PKIG: variants seen among roughly 807,000 people sequenced by gnomAD.
PKIG encodes the protein cAMP-dependent protein kinase inhibitor gamma, also known as protein kinase (cAMP-dependent, catalytic) inhibitor gamma.
Under a neutral mutation model 6.8 loss-of-function variants are expected in PKIG, and 1 was observed. The observed-to-expected ratio is 0.15, with a 90% CI of 0.05 to 0.69. PKIG has a LOEUF of 0.69. Among genes scored for constraint, PKIG ranks in the 30% least tolerant of loss-of-function variants. The probability of loss-of-function intolerance (pLI) is 0.82; values close to 1 mark genes in which losing one functional copy is unlikely to be tolerated. For missense variants in PKIG, 77 were observed against 104.0 expected (o/e 0.74, Z 1.13); for synonymous variants, 39 against 43.0 (o/e 0.91, Z 0.36).
intron 1 of PKIG, among the ~76,000 whole-genome samples, chr20:44,533,821 G>T (rs898737501): frequency 1.3e-5 from 2 of 152,226 alleles, no homozygotes; most frequent in East Asian, 3.8e-4. Flanking sequence ...TAGTAATGAA[G>T]GCCAAAGGGA....
chr20:44,606,488 T>C (rs1329580312), intron 2 of PKIG, among the ~76,000 whole-genome samples: 1 of 152,178 alleles, frequency 6.6e-6, no homozygotes, highest in Non-Finnish European at 1.5e-5. Flanking sequence ...GGCTCCTTCC[T>C]TGTGAATGGG....
chr20:44,602,252 C>G (rs2065127540), intron 2 of PKIG, among the ~76,000 whole-genome samples: 1 of 152,204 alleles, frequency 6.6e-6, no homozygotes, highest in African/African-American at 2.4e-5. Flanking sequence ...CTGGGTCCCT[C>G]TCTATCCAAC....
At chr20:44,535,927 A>G (rs1292169699) in intron 1 of PKIG, among the ~76,000 whole-genome samples, 1 of 152,216 alleles carries the variant, frequency 6.6e-6, no homozygotes, top group African/African-American at 2.4e-5. Context: ...CAAAAGTGCA[A>G]AAGCCAAACT....
At chr20:44,582,288 T>C (rs1300985693), upstream of PKIG, among the ~76,000 whole-genome samples, 1 of 152,026 alleles carries the variant, frequency 6.6e-6, no homozygotes, top group Non-Finnish European at 1.5e-5. Context: ...AGCAAAGGAA[T>C]TTACCCAGGA....
At chr20:44,568,255 C>T (rs191188802) in intron 1 of PKIG, among the ~76,000 whole-genome samples, 42 of 152,134 alleles carry the variant, frequency 2.8e-4, no homozygotes, top group African/African-American at 9.1e-4. Context: ...AATAACTTTT[C>T]GTATTTTTTC....
At chr20:44,582,141 A>G (rs1055015733), upstream of PKIG, among the ~76,000 whole-genome samples, 70 of 152,306 alleles carry the variant, frequency 4.6e-4, no homozygotes, top group African/African-American at 1.6e-3. Context: ...GAGACCTGGG[A>G]GAAATGAAAC....
intron 3 of PKIG, among the ~76,000 whole-genome samples, chr20:44,616,894 T>TACC (rs1242257492): frequency 6.6e-6 from 1 of 152,226 alleles, no homozygotes; most frequent in Non-Finnish European, 1.5e-5. Context: ...GGTCCCGAGC[T>TACC]ACCACCCACT....
chr20:44,544,211 G>C (rs1012546670), intron 1 of PKIG, among the ~76,000 whole-genome samples: 5 of 152,168 alleles, frequency 3.3e-5, no homozygotes, highest in African/African-American at 1.2e-4. Flanking sequence ...GTGATGCCCT[G>C]ATGGGCTTAG....
chr20:44,585,393 A>C (rs2123360008), intron 1 of PKIG, among the ~76,000 whole-genome samples: 1 of 152,290 alleles, frequency 6.6e-6, no homozygotes, highest in South Asian at 2.1e-4. Context: ...TGGCTTTGGT[A>C]TCTTCCTGAA....
At position 44,582,695 on chromosome 20, in the gene PKIG, A is replaced by G. The variant is rs769613300; in HGVS notation, c.-130A>G. On this transcript the variant is annotated 5_prime_UTR_variant, in exon 1 of 4. Coordinates refer to ENST00000372886, the MANE Select transcript of PKIG (RefSeq NM_001281445.2). ...TTCTTAAATTCTGCCTCCGCTTCTGACTGAGGACCACTGGATTTTGAGGAA... is the reference window on the plus strand; with the variant it reads ...TTCTTAAATTCTGCCTCCGCTTCTGGCTGAGGACCACTGGATTTTGAGGAA... 23 of 152,386 alleles carry G rather than the reference A, an allele frequency of 1.5e-4. No individual in the cohort carries two copies. The highest frequency in any genetic ancestry group is 2.6e-4 in the Non-Finnish European group (18 of 68,104). 9.4% of individuals were successfully genotyped at this position (152,386 alleles called of 1,614,324 possible).
chr20:44,608,442 C>T (rs2065185987), intron 2 of PKIG, among the ~76,000 whole-genome samples: 1 of 152,250 alleles, frequency 6.6e-6, no homozygotes, highest in South Asian at 2.1e-4. Context: ...TCTCCATTGT[C>T]CGTTTAGGAC....
rs564903097 is a variant in PKIG, at chr20:44,544,860, C to T, written c.-241+12882C>T. Among the ~76,000 whole-genome samples the T allele has an allele frequency of 2.0e-5, 3 of 151,444 alleles. 1 individual carries two copies. Among genetic ancestry groups the T allele is most frequent in the African/African-American group, 7.3e-5 (3 of 41,204 alleles). On this transcript the variant is annotated intron_variant, in intron 1 of 4. Transcript: ENST00000372887. ...TATACCCTGTATTTGGAGAAAATTGCAGTTTTTACATTGACTTTCCTCTTT... is the reference window on the plus strand; with the variant it reads ...TATACCCTGTATTTGGAGAAAATTGTAGTTTTTACATTGACTTTCCTCTTT...
chr20:44,555,914 C>T (rs533324395), intron 1 of PKIG, among the ~76,000 whole-genome samples: 3 of 152,156 alleles, frequency 2.0e-5, no homozygotes, highest in South Asian at 4.1e-4. Flanking sequence ...GATCTCTGCT[C>T]ACGGCAACTT....
chr20:44,557,713 G>A (rs1233965280), intron 1 of PKIG, among the ~76,000 whole-genome samples: 2 of 151,268 alleles, frequency 1.3e-5, no homozygotes, highest in East Asian at 1.9e-4. Flanking sequence ...AGTCCCAGCT[G>A]CTCAGGAGGC....
intron 1 of PKIG, among the ~76,000 whole-genome samples, chr20:44,564,823 AAGAT>A (rs1389062753): frequency 6.6e-6 from 1 of 152,238 alleles, no homozygotes; most frequent in African/African-American, 2.4e-5. Context: ...ATTATATTAT[AAGAT>A]AGGCTGTGAA....
At chr20:44,581,502 C>T (rs2064947944), upstream of PKIG, among the ~76,000 whole-genome samples, 1 of 152,188 alleles carries the variant, frequency 6.6e-6, no homozygotes, top group Non-Finnish European at 1.5e-5. Flanking sequence ...GTCACTCGCT[C>T]CCCATTGTAC....
intron 2 of PKIG, among the ~76,000 whole-genome samples, chr20:44,604,075 G>C (rs2065144285): frequency 6.6e-6 from 1 of 152,158 alleles, no homozygotes; most frequent in African/African-American, 2.4e-5. Flanking sequence ...GGGCAGAAAA[G>C]CCAGTTGGGG....
At position 44,613,181 on chromosome 20, in the gene PKIG, T is replaced by C. The variant is rs569575449; in HGVS notation, c.-23-1353T>C. 2.6e-5 allele frequency among the ~76,000 whole-genome samples: 4 copies of C among 152,348 alleles called. No homozygotes were observed. The East Asian group carries it at 7.7e-4, about 29-fold the overall frequency. On this transcript the variant is annotated intron_variant, in intron 2 of 3. Transcript: ENST00000372886. Reference sequence around the variant, plus strand: ...AACTACTAATTTATTTTTTCTTTTTTTCGAGATGGAGTCTCGCTTTGTCGC... The same window carrying C: ...AACTACTAATTTATTTTTTCTTTTTCTCGAGATGGAGTCTCGCTTTGTCGC...
chr20:44,588,878 G>A (rs2011412374), intron 1 of PKIG, among the ~76,000 whole-genome samples: 1 of 152,194 alleles, frequency 6.6e-6, no homozygotes, highest in African/African-American at 2.4e-5. Context: ...GCTAGATATA[G>A]AATTTTTTGC....
Sources: gnomAD v4.1 joint callset for allele counts (sites outside exome capture counted in the v4.1 genomes callset) on GRCh38, gnomAD v4.1.1 for gene constraint, MANE v1.5 for transcripts, NCBI Gene and HGNC (gene_info 2026-07-23, HGNC 2026-07-21) for gene names.